Variants in ZNF618 observed in about 807,000 individuals in gnomAD.
ZNF618 encodes neural precursor cell expressed, developmentally down-regulated 10.
A neutral mutation model predicts 103.0 loss-of-function variants in ZNF618; 34 were observed. The observed-to-expected ratio is 0.33, with a 90% CI of 0.25 to 0.44. ZNF618 has a LOEUF of 0.44. Ranked by LOEUF, ZNF618 falls within the 20% of genes least tolerant of loss-of-function variation. ZNF618 has a pLI of 1.00. For missense variants in ZNF618, 1,059 were observed against 1,295.4 expected, an observed-to-expected ratio of 0.82 and a Z score of 2.80; for synonymous variants, 551 against 542.2, an observed-to-expected ratio of 1.02 and a Z score of -0.23.
chr9:114,010,330 A>G (rs1588328724), intron 9 of ZNF618, among the ~76,000 whole-genome samples: 1 of 149,428 alleles, frequency 6.7e-6, no homozygotes, highest in East Asian at 2.0e-4. Flanking sequence ...GATGAAGAAT[A>G]TGATGAAACC....
At chr9:113,995,029 T>C (rs1840435777) in intron 3 of ZNF618, among the ~76,000 whole-genome samples, 2 of 152,220 alleles carry the variant, frequency 1.3e-5, no homozygotes, top group South Asian at 4.1e-4. Context: ...ATATCCACCA[T>C]CATCACTTCA....
intron 1 of ZNF618, among the ~76,000 whole-genome samples, chr9:113,958,651 G>T (rs1388181370): frequency 6.6e-6 from 1 of 152,210 alleles, no homozygotes; most frequent in Non-Finnish European, 1.5e-5. Flanking sequence ...TCACACGTTT[G>T]TGCCCAGGCT....
intron 1 of ZNF618, among the ~76,000 whole-genome samples, chr9:113,959,659 G>A (rs1836656030): frequency 6.6e-6 from 1 of 152,158 alleles, no homozygotes; most frequent in Non-Finnish European, 1.5e-5. Flanking sequence ...CCAAGTTGGA[G>A]TGCAGTGACA....
chr9:113,928,631 T>C (rs1414103943), intron 1 of ZNF618, among the ~76,000 whole-genome samples: 1 of 152,184 alleles, frequency 6.6e-6, no homozygotes, highest in Non-Finnish European at 1.5e-5. Flanking sequence ...AATTTCCTCT[T>C]TTCTTTGTTT....
chr9:113,946,594 C>T (rs761209004), intron 1 of ZNF618, among the ~76,000 whole-genome samples: 1 of 152,104 alleles, frequency 6.6e-6, no homozygotes, highest in African/African-American at 2.4e-5. Context: ...CCTGACCCAG[C>T]GTGTAATTAC....
chr9:114,049,480 C>T lies in ZNF618; in HGVS notation c.2178C>T (p.Ser726=). Residue 726 remains serine (S), a synonymous_variant, in exon 15 of 15, where the codon AGC becomes AGT. Coordinates refer to ENST00000374126, the MANE Select transcript of ZNF618 (RefSeq NM_001318042.2). ...CCAAGAAGATGAACCTCATCCAGAG[C>T]CTCAACAAGCACCTGCTCAGCAACC... ...SRAKKMNLIQ[S]LNKHLLSNLA... 1.2e-6 allele frequency: 2 copies of T among 1,612,716 alleles called. No homozygotes were observed. The highest frequency in any genetic ancestry group is 2.2e-5 in the East Asian group (1 of 44,812).
At chr9:114,010,539 C>T (rs534475317) in intron 9 of ZNF618, among the ~76,000 whole-genome samples, 32 of 151,862 alleles carry the variant, frequency 2.1e-4, no homozygotes, top group African/African-American at 7.5e-4. Flanking sequence ...ACCCCATCTC[C>T]ACTAAAATAC....
chr9:113,987,612 G>A (rs982513701), intron 2 of ZNF618, among the ~76,000 whole-genome samples: 23 of 152,114 alleles, frequency 1.5e-4, no homozygotes, highest in African/African-American at 5.1e-4. Context: ...TGGATATCGC[G>A]TACATCAAAG....
intron 1 of ZNF618, among the ~76,000 whole-genome samples, chr9:113,926,814 A>G (rs954258519): frequency 6.6e-6 from 1 of 152,194 alleles, no homozygotes; most frequent in African/African-American, 2.4e-5. Flanking sequence ...AGAGTTCAAG[A>G]CCAGCCTGTG....
At chr9:113,878,929 A>G (rs976723071) in intron 1 of ZNF618, among the ~76,000 whole-genome samples, 2 of 151,990 alleles carry the variant, frequency 1.3e-5, no homozygotes, top group African/African-American at 2.4e-5. Flanking sequence ...TCGCCATTGC[A>G]TTTGGGAGAT....
chr9:113,883,158 G>A (rs989103271), intron 1 of ZNF618, among the ~76,000 whole-genome samples: 2 of 152,170 alleles, frequency 1.3e-5, no homozygotes, highest in African/African-American at 4.8e-5. Context: ...ATTTGGGCTT[G>A]GCCATTTGGT....
chr9:113,902,903 C>G (rs1196026093), intron 1 of ZNF618, among the ~76,000 whole-genome samples: 1 of 152,200 alleles, frequency 6.6e-6, no homozygotes, highest in East Asian at 1.9e-4. Context: ...TTTGCCTTAA[C>G]TGTCCCCCCT....
At chr9:113,949,997 C>G (rs553627026) in intron 1 of ZNF618, among the ~76,000 whole-genome samples, 24 of 152,128 alleles carry the variant, frequency 1.6e-4, no homozygotes, top group Non-Finnish European at 3.1e-4. Context: ...ATCTGCCCCC[C>G]TCAAATCTTC....
At chr9:113,917,470 T>G (rs1588035632) in intron 1 of ZNF618, among the ~76,000 whole-genome samples, 2 of 151,718 alleles carry the variant, frequency 1.3e-5, no homozygotes, top group East Asian at 1.9e-4. Flanking sequence ...GCCAGGCTGG[T>G]CTTGAACTCC....
chr9:114,025,858 C>T (rs1038852675), intron 10 of ZNF618, among the ~76,000 whole-genome samples: 4 of 152,342 alleles, frequency 2.6e-5, no homozygotes, highest in East Asian at 1.9e-4. Flanking sequence ...TGGCCGCTCA[C>T]GCATTGATAC....
At chr9:113,936,929 C>G (rs528574908) in intron 1 of ZNF618, among the ~76,000 whole-genome samples, 1 of 151,858 alleles carries the variant, frequency 6.6e-6, no homozygotes, top group African/African-American at 2.4e-5. Flanking sequence ...TGTTTTTTTA[C>G]TATATCTGAT....
At chr9:113,973,829 T>A (rs1838229569) in intron 2 of ZNF618, among the ~76,000 whole-genome samples, 1 of 152,174 alleles carries the variant, frequency 6.6e-6, no homozygotes, top group African/African-American at 2.4e-5. Flanking sequence ...CTGTAGAAAA[T>A]CTAGTCCAGC....
At chr9:113,879,951 T>C (rs1828358207) in intron 1 of ZNF618, among the ~76,000 whole-genome samples, 1 of 152,168 alleles carries the variant, frequency 6.6e-6, no homozygotes, top group South Asian at 2.1e-4. Flanking sequence ...GCAACAAAGA[T>C]GGCTGGTCAG....
chr9:113,907,654 C>T (rs1428812226), intron 1 of ZNF618, among the ~76,000 whole-genome samples: 1 of 152,164 alleles, frequency 6.6e-6, no homozygotes, highest in Non-Finnish European at 1.5e-5. Flanking sequence ...GTCCAGGACC[C>T]CCCCGCATGA....
Sources: allele counts gnomAD v4.1 joint callset (sites outside exome capture counted in the v4.1 genomes callset), GRCh38; gene constraint gnomAD v4.1.1; transcripts MANE v1.5; gene names NCBI Gene and HGNC (gene_info 2026-07-23, HGNC 2026-07-21).